GPC6: variants seen among roughly 807,000 people sequenced by gnomAD.
GPC6 encodes the protein glypican-6.
In GPC6, 14 loss-of-function variants were observed where a neutral mutation model predicts 55.2. The observed-to-expected ratio is 0.25, with a 90% CI of 0.17 to 0.40. The LOEUF is 0.40. Ranked by LOEUF, GPC6 falls within the 10% of genes least tolerant of loss-of-function variation. The pLI is 1.00. For synonymous variants in GPC6, 278 were observed against 259.6 expected (o/e 1.07, Z -0.68); for missense variants, 641 against 708.5 (o/e 0.90, Z 1.08).
At position 94,072,331 on chromosome 13, in the gene GPC6, A is replaced by G. The variant is rs182939396; in HGVS notation, c.877+44437A>G. ...TTTTTCCTACTCTTTGGGTGGCATGATAAAGCCCCTTGTTTTTTTGTTTGC... is the reference window on the plus strand; with the variant it reads ...TTTTTCCTACTCTTTGGGTGGCATGGTAAAGCCCCTTGTTTTTTTGTTTGC... On this transcript the variant is annotated intron_variant, in intron 4 of 8. Transcript: ENST00000377047. Among the ~76,000 whole-genome samples, 92 of 152,236 alleles carry G rather than the reference A, an allele frequency of 6.0e-4. 1 individual carries two copies. Among genetic ancestry groups the G allele is most frequent in the Middle Eastern group, 3.4e-3 (1 of 294 alleles).
At chr13:93,806,709 A>G (rs1050570723) in intron 2 of GPC6, among the ~76,000 whole-genome samples, 10 of 152,210 alleles carry the variant, frequency 6.6e-5, no homozygotes, top group African/African-American at 2.2e-4. Flanking sequence ...GGACAGACAG[A>G]TAAAATATAC....
rs1413505043 is a variant in GPC6, at chr13:94,356,729, T to C, written c.1153-25685T>C. 3.3e-5 allele frequency among the ~76,000 whole-genome samples: 5 copies of C among 152,088 alleles called. No homozygotes were observed. The South Asian group carries it at 1.0e-3, about 32-fold the overall frequency. On this transcript the variant is annotated intron_variant, in intron 6 of 8. Transcript: ENST00000377047. ...AAGGGAAATAGGGCTCTGTGAGAAGTAGAGCCTAATTAAAATGAAAAATGT... is the reference window on the plus strand; with the variant it reads ...AAGGGAAATAGGGCTCTGTGAGAAGCAGAGCCTAATTAAAATGAAAAATGT...
intron 4 of GPC6, among the ~76,000 whole-genome samples, chr13:94,262,736 G>T (rs1891692697): frequency 6.6e-6 from 1 of 151,452 alleles, no homozygotes; most frequent in African/African-American, 2.4e-5. Flanking sequence ...CATGCTTAGA[G>T]TAAGGAAAGG....
chr13:93,422,217 A>C (rs1328662602), intron 1 of GPC6, among the ~76,000 whole-genome samples: 7 of 152,286 alleles, frequency 4.6e-5, no homozygotes, highest in Non-Finnish European at 8.8e-5. Flanking sequence ...TCAAATGGAA[A>C]AGTCTTCTAA....
intron 4 of GPC6, among the ~76,000 whole-genome samples, chr13:94,226,327 G>T (rs1350498028): frequency 6.6e-6 from 1 of 152,122 alleles, no homozygotes; most frequent in African/African-American, 2.4e-5. Flanking sequence ...CAGAGTTACA[G>T]TTGGATAGGA....
intron 4 of GPC6, among the ~76,000 whole-genome samples, chr13:94,270,953 A>G (rs1221119130): frequency 1.4e-5 from 2 of 142,434 alleles, no homozygotes; most frequent in South Asian, 2.3e-4. Context: ...GACCAGAGAC[A>G]GAGAAGTATA....
At chr13:94,390,402 C>T (rs6492699) in intron 7 of GPC6, among the ~76,000 whole-genome samples, 133,025 of 152,184 alleles carry the variant, frequency 0.87, 58,365 homozygotes, top group African/African-American at 0.95. Context: ...GAGTGGGTAA[C>T]TTATAAAGAA....
At chr13:94,041,600 C>A (rs1019222683) in intron 4 of GPC6, among the ~76,000 whole-genome samples, 2 of 151,800 alleles carry the variant, frequency 1.3e-5, no homozygotes, top group African/African-American at 4.8e-5. Flanking sequence ...TTAACATTCT[C>A]CTGAACATAC....
chr13:93,377,808 C>T (rs1365357084), intron 1 of GPC6, among the ~76,000 whole-genome samples: 1 of 152,084 alleles, frequency 6.6e-6, no homozygotes, highest in African/African-American at 2.4e-5. Flanking sequence ...TGTTTGTTTG[C>T]CACATAATTT....
At chr13:93,600,357 A>G (rs1216540675) in intron 2 of GPC6, among the ~76,000 whole-genome samples, 1 of 152,182 alleles carries the variant, frequency 6.6e-6, no homozygotes, top group Non-Finnish European at 1.5e-5. Flanking sequence ...TAAATTCACC[A>G]CAGGTCAAAG....
chr13:94,215,995 T>C (rs1013404973), intron 4 of GPC6, among the ~76,000 whole-genome samples: 1 of 61,156 alleles, frequency 1.6e-5, no homozygotes, highest in Non-Finnish European at 3.5e-5. Context: ...TTTTAGACGT[T>C]AGTTCCTATT....
rs1888665484 is a variant in GPC6 at position 93,857,639 on chromosome 13, A to G, written c.711+27094A>G. Among the ~76,000 whole-genome samples, 6 of 151,634 alleles carry G rather than the reference A, an allele frequency of 4.0e-5. No individual in the cohort carries two copies. The South Asian group carries it at 1.2e-3, about 31-fold the overall frequency. ...ATCTATTTAAAATATTGGGAATATC[A>G]TATGTTATTTATAGGACTGTTGGTA... is the stretch of plus-strand genomic sequence containing the variant. On this transcript the variant is annotated intron_variant, in intron 3 of 8. Transcript: ENST00000377047.
At chr13:93,995,532 C>G (rs1459290416) in intron 3 of GPC6, among the ~76,000 whole-genome samples, 1 of 152,094 alleles carries the variant, frequency 6.6e-6, no homozygotes, top group Non-Finnish European at 1.5e-5. Flanking sequence ...GTTCTGTTGC[C>G]TCAGATCATC....
chr13:94,125,318 G>A (rs983364381), intron 4 of GPC6, among the ~76,000 whole-genome samples: 2 of 152,022 alleles, frequency 1.3e-5, no homozygotes, highest in African/African-American at 2.4e-5. Context: ...TGCCTTAACA[G>A]AAATTCCTTC....
At chr13:93,706,319 T>C (rs2138801997) in intron 2 of GPC6, among the ~76,000 whole-genome samples, 1 of 152,052 alleles carries the variant, frequency 6.6e-6, no homozygotes, top group African/African-American at 2.4e-5. Context: ...ACTTACCATC[T>C]TCACCAATTT....
chr13:94,396,029 G>A (rs1880882096), intron 7 of GPC6, among the ~76,000 whole-genome samples: 1 of 152,168 alleles, frequency 6.6e-6, no homozygotes, highest in African/African-American at 2.4e-5. Flanking sequence ...TCCCCTCCCT[G>A]ATAGGTCTTG....
At chr13:93,627,009 T>TA (rs1214087668) in intron 2 of GPC6, among the ~76,000 whole-genome samples, 1 of 151,968 alleles carries the variant, frequency 6.6e-6, no homozygotes, top group African/African-American at 2.4e-5. Context: ...ACACACTTTT[T>TA]TTATTATTAT....
chr13:93,386,223 T>C (rs1218245397), intron 1 of GPC6, among the ~76,000 whole-genome samples: 1 of 152,152 alleles, frequency 6.6e-6, no homozygotes, highest in African/African-American at 2.4e-5. Context: ...AGAGCTGTCA[T>C]GGAAAATGTA....
chr13:94,012,743 C>A lies in GPC6; in HGVS notation c.712-14986C>A, dbSNP rs112152367. Reference sequence around the variant, plus strand: ...TTTGGTTTTATATTCTTGAAAATGGCACATCCCCTTACTTTAAAGGCAGAT... The same window carrying A: ...TTTGGTTTTATATTCTTGAAAATGGAACATCCCCTTACTTTAAAGGCAGAT... On this transcript the variant is annotated intron_variant, in intron 3 of 8. Transcript: ENST00000377047. Among the ~76,000 whole-genome samples, 44 of 152,260 alleles carry A rather than the reference C, an allele frequency of 2.9e-4. 1 individual carries two copies. The highest frequency in any genetic ancestry group is 7.8e-4 in the Admixed American group (12 of 15,294).
Sources: allele counts gnomAD v4.1 joint callset (sites outside exome capture counted in the v4.1 genomes callset), GRCh38; gene constraint gnomAD v4.1.1; transcripts MANE v1.5; gene names NCBI Gene and HGNC (gene_info 2026-07-23, HGNC 2026-07-21).